Variants in JCAD observed in about 807,000 individuals in gnomAD.
JCAD encodes the protein junctional cadherin 5-associated protein.
In JCAD, 40 loss-of-function variants were observed where a neutral mutation model predicts 98.0. The ratio of observed to expected loss-of-function variants is 0.41; its 90% CI spans 0.32 to 0.53. The LOEUF (loss-of-function observed/expected upper bound fraction) is 0.53. Ranked by LOEUF, JCAD falls within the 20% of genes least tolerant of loss-of-function variation. JCAD has a pLI of 0.31. For synonymous variants in JCAD, 691 were observed against 682.3 expected (o/e 1.01, Z -0.20); for missense variants, 1,705 against 1,738.1 (o/e 0.98, Z 0.34).
chr10:30,041,558 A>G (rs924670951), intron 2 of JCAD, among the ~76,000 whole-genome samples: 3 of 152,188 alleles, frequency 2.0e-5, no homozygotes, highest in African/African-American at 7.2e-5. Flanking sequence ...TTACTGATCA[A>G]ATAGAAACCT....
chr10:30,076,371 A>T (rs1252173499), intron 1 of JCAD, among the ~76,000 whole-genome samples: 4 of 152,196 alleles, frequency 2.6e-5, no homozygotes, highest in African/African-American at 9.6e-5. Flanking sequence ...GAAATCTGAC[A>T]GTTATTTCAG....
At chr10:30,104,164 TGGA>T (rs1248587354) in intron 1 of JCAD, among the ~76,000 whole-genome samples, 1 of 152,194 alleles carries the variant, frequency 6.6e-6, no homozygotes, top group African/African-American at 2.4e-5. Flanking sequence ...TCAGAGGTCG[TGGA>T]GCGTAAGTCC....
upstream of JCAD, among the ~76,000 whole-genome samples, chr10:30,064,443 A>T (rs1051981678): frequency 1.3e-5 from 2 of 152,078 alleles, no homozygotes; most frequent in Admixed American, 6.6e-5. Flanking sequence ...TCTATAAATG[A>T]CCCACCTGCG....
chr10:30,019,745 T>C (rs1398801919), intron 3 of JCAD, among the ~76,000 whole-genome samples: 1 of 152,046 alleles, frequency 6.6e-6, no homozygotes, highest in Non-Finnish European at 1.5e-5. Flanking sequence ...TGGAATTTGC[T>C]GATAGAGTAC....
At chr10:30,018,808 C>G (rs1589673465) in intron 3 of JCAD, among the ~76,000 whole-genome samples, 2 of 152,196 alleles carry the variant, frequency 1.3e-5, no homozygotes, top group East Asian at 3.9e-4. Context: ...GAGAAAATGT[C>G]TAAGCAATCT....
In JCAD at chr10:30,025,168, G is replaced by A. The variant is rs1836762860; in HGVS notation, c.4045+935C>T. ...AGGGAAGGGCCCAGCTCAGGAGAGGGCATTCCTCTAACTCAACTCGTAAGG... is the reference window on the plus strand; with the variant it reads ...AGGGAAGGGCCCAGCTCAGGAGAGGACATTCCTCTAACTCAACTCGTAAGG... On this transcript the variant is annotated intron_variant, in intron 3 of 3. Transcript: ENST00000375377. Among the ~76,000 whole-genome samples, 3 of 152,004 alleles carry A rather than the reference G, an allele frequency of 2.0e-5. No individual in the cohort carries two copies. The South Asian group carries it at 6.2e-4, about 32-fold the overall frequency.
intron 3 of JCAD, 64 bp from the exon 4 acceptor site, chr10:30,017,981 C>T: frequency 7.9e-7 from 1 of 1,269,878 alleles, no homozygotes; most frequent in African/African-American, 1.5e-5. Flanking sequence ...TCTGTTTAAT[C>T]CTTAGACCAC....
intron 3 of JCAD, among the ~76,000 whole-genome samples, chr10:30,021,333 G>A (rs1836656165): frequency 6.6e-6 from 1 of 152,154 alleles, no homozygotes; most frequent in South Asian, 2.1e-4. Context: ...CAAGTAGTTG[G>A]GACTACAGAC....
At chr10:30,096,829 T>C (rs1838377031) in intron 1 of JCAD, among the ~76,000 whole-genome samples, 1 of 152,202 alleles carries the variant, frequency 6.6e-6, no homozygotes, top group Non-Finnish European at 1.5e-5. Flanking sequence ...AGCTCAAATT[T>C]TCCAGTGAGC....
chr10:30,049,673 G>C (rs1317638033), intron 1 of JCAD, among the ~76,000 whole-genome samples: 1 of 152,158 alleles, frequency 6.6e-6, no homozygotes, highest in African/African-American at 2.4e-5. Flanking sequence ...TGCTTCAACA[G>C]ACAAAGAAGG....
chr10:30,082,461 A>G (rs990413625), intron 1 of JCAD, among the ~76,000 whole-genome samples: 2 of 152,164 alleles, frequency 1.3e-5, no homozygotes, highest in Non-Finnish European at 2.9e-5. Flanking sequence ...GCTCACACCT[A>G]TAATCCCAGC....
chr10:30,079,375 AATC>A (rs1156905685), intron 1 of JCAD, among the ~76,000 whole-genome samples: 1 of 151,294 alleles, frequency 6.6e-6, no homozygotes, highest in Non-Finnish European at 1.5e-5. Context: ...AAAGAATAGT[AATC>A]ATCACAGGGG....
At chr10:30,100,567 A>G (rs1164012127) in intron 1 of JCAD, among the ~76,000 whole-genome samples, 1 of 151,996 alleles carries the variant, frequency 6.6e-6, no homozygotes, top group Non-Finnish European at 1.5e-5. Flanking sequence ...TATTTGTAGT[A>G]CCGATGGGGT....
intron 1 of JCAD, among the ~76,000 whole-genome samples, chr10:30,114,597 AAAAC>A (rs1462415043): frequency 2.1e-5 from 3 of 140,402 alleles, no homozygotes; most frequent in Admixed American, 7.3e-5. Context: ...AAAAAAAAAA[AAAAC>A]CAGGAGGTGT....
chr10:30,015,869 C>T lies in JCAD; in HGVS notation c.*2014G>A, dbSNP rs975753465. The T allele has an allele frequency of 1.3e-5, 2 of 152,164 alleles. No homozygotes were observed. Among genetic ancestry groups the T allele is most frequent in the African/African-American group, 4.8e-5 (2 of 41,442 alleles). 9.4% of individuals were successfully genotyped at this position (152,164 alleles called of 1,614,324 possible). On this transcript the variant is annotated 3_prime_UTR_variant, in exon 4 of 4. Coordinates refer to ENST00000375377, the MANE Select transcript of JCAD (RefSeq NM_020848.4). ...TTAAAGAGGGAAGACCCCACAAAGACCTCCAGGCGCCTCAGCCCTTATTTG... is the reference window on the plus strand; with the variant it reads ...TTAAAGAGGGAAGACCCCACAAAGATCTCCAGGCGCCTCAGCCCTTATTTG...
intron 2 of JCAD, among the ~76,000 whole-genome samples, chr10:30,045,425 T>A (rs116369013): frequency 6.6e-6 from 1 of 152,276 alleles, no homozygotes; most frequent in African/African-American, 2.4e-5. Context: ...CATGAGCATG[T>A]ATTAAATAAC....
chr10:30,080,197 C>T (rs1342528837), intron 1 of JCAD, among the ~76,000 whole-genome samples: 2 of 152,146 alleles, frequency 1.3e-5, no homozygotes, highest in East Asian at 3.9e-4. Flanking sequence ...AGAAGAACTA[C>T]CAAGTTTCAA....
intron 3 of JCAD, among the ~76,000 whole-genome samples, chr10:30,020,524 G>C (rs111334500): frequency 9.1e-4 from 138 of 152,210 alleles, no homozygotes; most frequent in African/African-American, 3.1e-3. Context: ...TGTGATGACT[G>C]AGACAGCATT....
chr10:30,107,739 C>T (rs1013628274), intron 1 of JCAD, among the ~76,000 whole-genome samples: 1 of 152,204 alleles, frequency 6.6e-6, no homozygotes, highest in East Asian at 1.9e-4. Context: ...GATTGGGACC[C>T]CTTTCAAGTA....
Sources: gnomAD v4.1 joint callset for allele counts (sites outside exome capture counted in the v4.1 genomes callset) on GRCh38, gnomAD v4.1.1 for gene constraint, MANE v1.5 for transcripts, NCBI Gene and HGNC (gene_info 2026-07-23, HGNC 2026-07-21) for gene names.